The following DDX6 variants were observed in gnomAD, a reference collection of about 807,000 sequenced individuals.
The protein encoded by DDX6 is probable ATP-dependent RNA helicase DDX6.
Under a neutral mutation model 60.6 loss-of-function variants are expected in DDX6, and 7 were observed. The observed-to-expected ratio is 0.12, with a 90% CI of 0.07 to 0.22. DDX6 has a LOEUF of 0.22. Among genes scored for constraint, DDX6 ranks in the 10% least tolerant of loss-of-function variants. The pLI is 1.00. For synonymous variants in DDX6, 207 were observed against 201.0 expected, an observed-to-expected ratio of 1.03 and a Z score of -0.25; for missense variants, 270 against 589.9, an observed-to-expected ratio of 0.46 and a Z score of 5.62.
Position 118,760,032 on chromosome 11 carries a change from G to A in DDX6, c.754C>T (p.Leu252=). 1.2e-6 allele frequency: 2 copies of A among 1,611,600 alleles called. No homozygotes were observed. The highest frequency in any genetic ancestry group is 1.7e-6 in the Non-Finnish European group (2 of 1,179,266). Residue 252 remains leucine, a synonymous_variant, in exon 8 of 14, where the codon CTG becomes TTG. Transcript: ENST00000534980. ...MIVLDEADKL[L]SQDFVQIMED... is the part of the protein sequence containing the mutation. ...ATTATCTGCACAAAATCCTGTGACA[G>A]CAACTTATCTGCCTGCAGTAGAAAG... is the stretch of plus-strand genomic sequence containing the variant.
chr11:118,767,139 C>T (rs868909253), intron 5 of DDX6, among the ~76,000 whole-genome samples: 7 of 151,566 alleles, frequency 4.6e-5, no homozygotes, highest in Non-Finnish European at 8.8e-5. Flanking sequence ...TGCCTTGCCT[C>T]GGCCTCCCGA....
At chr11:118,760,626 G>A (rs1263208312) in intron 7 of DDX6, among the ~76,000 whole-genome samples, 1 of 149,674 alleles carries the variant, frequency 6.7e-6, no homozygotes, top group Non-Finnish European at 1.5e-5. Context: ...TTTGAGACCA[G>A]CCTGACCAAC....
At chr11:118,755,310 T>C (rs1555158471) in intron 12 of DDX6, 92 bp downstream of exon 12, 1 of 731,660 alleles carries the variant, frequency 1.4e-6, no homozygotes, top group Non-Finnish European at 2.4e-6. Context: ...TTCTCATAGC[T>C]ACTGTACTCT....
intron 4 of DDX6, among the ~76,000 whole-genome samples, chr11:118,777,897 G>GAAAAAAAAA (rs374046858): frequency 2.0e-5 from 2 of 99,648 alleles, no homozygotes; most frequent in Non-Finnish European, 3.8e-5. Flanking sequence ...TCAAAAAAGA[G>GAAAAAAAAA]AAAAAAAAAA....
At chr11:118,777,613 G>A (rs1180294957) in intron 4 of DDX6, among the ~76,000 whole-genome samples, 3 of 152,062 alleles carry the variant, frequency 2.0e-5, no homozygotes, top group East Asian at 3.9e-4. Flanking sequence ...AAAGGGGCCG[G>A]GTACGATGGC....
intron 1 of DDX6, among the ~76,000 whole-genome samples, chr11:118,790,526 A>C (rs1862236106): frequency 6.6e-6 from 1 of 152,002 alleles, no homozygotes; most frequent in East Asian, 1.9e-4. Context: ...CCAATACAGC[A>C]TGTCCCTGCC....
chr11:118,754,556 AAG>A, intron 13 of DDX6, 147 bp downstream of exon 13: 1 of 646,556 alleles, frequency 1.5e-6, no homozygotes, highest in Non-Finnish European at 2.5e-6. Flanking sequence ...AACCTCCCAC[AAG>A]AGATATTATT....
chr11:118,782,939 C>T (rs1555164972), intron 2 of DDX6, among the ~76,000 whole-genome samples: 1 of 152,164 alleles, frequency 6.6e-6, no homozygotes. Context: ...CTACTAAAGC[C>T]TTTCATCTAA....
At chr11:118,764,406 A>T (rs1555160907) in intron 6 of DDX6, among the ~76,000 whole-genome samples, 1 of 152,170 alleles carries the variant, frequency 6.6e-6, no homozygotes, top group Middle Eastern at 3.4e-3. Flanking sequence ...ATCTCCTTCT[A>T]AGTTGGCCAA....
chr11:118,754,435 C>CT (rs1491083486), intron 13 of DDX6, among the ~76,000 whole-genome samples: 2 of 152,154 alleles, frequency 1.3e-5, no homozygotes, highest in African/African-American at 4.8e-5. Context: ...GAAAAACATT[C>CT]TTTTTTGCTT....
Position 118,754,726 on chromosome 11 carries a change from C to T in DDX6, c.1438G>A (p.Asp480Asn). The change falls in exon 13 of 14, where the codon GAT becomes AAT. Residue 480 changes from aspartate to asparagine, a missense_variant. Asp to Asn is a conservative substitution (Grantham distance 23). Around this residue, in one of 8 missense-constraint regions of DDX6, gnomAD observed 34 missense variants for 59.4 expected, o/e 0.57. Coordinates refer to ENST00000534980, the MANE Select transcript of DDX6 (RefSeq NM_004397.6). The stretch of plus-strand genomic sequence containing the variant: ...GTACATGCTTGTTAAGGTTTCTCAT[C>T]TTCTACAGGCTCGCTGTGGTATTCT... Reference protein sequence around the residue: ...VAEYHSEPVEDEKP With the variant: ...VAEYHSEPVENEKP The T allele has an allele frequency of 6.2e-7, 1 of 1,608,126 alleles. No individual in the cohort carries two copies. The highest frequency in any genetic ancestry group is 8.5e-7 in the Non-Finnish European group (1 of 1,178,422).
At chr11:118,764,334 T>G (rs1861276257) in intron 6 of DDX6, among the ~76,000 whole-genome samples, 1 of 152,152 alleles carries the variant, frequency 6.6e-6, no homozygotes, top group African/African-American at 2.4e-5. Context: ...CAGGTCAACT[T>G]TACTCTTTAA....
chr11:118,759,184 C>G (rs147920140), intron 8 of DDX6: 1 of 292,054 alleles, frequency 3.4e-6, no homozygotes, highest in African/African-American at 2.2e-5. Context: ...CTCGGCCTCC[C>G]GAGTAGCTGG....
At chr11:118,781,070 T>G in intron 3 of DDX6, 51 bp downstream of exon 3, 2 of 1,275,052 alleles carry the variant, frequency 1.6e-6, no homozygotes, top group Non-Finnish European at 2.3e-6. Context: ...CAGCTATACC[T>G]CACTTCTAGT....
intron 2 of DDX6, among the ~76,000 whole-genome samples, chr11:118,783,263 T>C (rs1260948949): frequency 6.6e-6 from 1 of 152,144 alleles, no homozygotes; most frequent in African/African-American, 2.4e-5. Context: ...TCCACTGTTG[T>C]CCCCAAATCA....
intron 2 of DDX6, among the ~76,000 whole-genome samples, chr11:118,785,319 A>G (rs1862038147): frequency 6.6e-6 from 1 of 152,096 alleles, no homozygotes; most frequent in Non-Finnish European, 1.5e-5. Flanking sequence ...GTGTTCTGTG[A>G]GTTCAAAATT....
At chr11:118,787,476 AAAAC>A (rs1862113078) in intron 1 of DDX6, 2 of 88,894 alleles carry the variant, frequency 2.2e-5, no homozygotes, top group East Asian at 2.7e-4. Context: ...CTCAAAAACA[AAAAC>A]AAACAAGAAA....
chr11:118,777,973 T>G (rs1861760802), intron 4 of DDX6, among the ~76,000 whole-genome samples: 1 of 147,584 alleles, frequency 6.8e-6, no homozygotes, highest in African/African-American at 2.5e-5. Flanking sequence ...GGAACCAGGC[T>G]GAAAGAGCTT....
chr11:118,763,701 G>A (rs1214015087), intron 6 of DDX6, among the ~76,000 whole-genome samples: 4 of 152,062 alleles, frequency 2.6e-5, no homozygotes, highest in South Asian at 2.1e-4. Flanking sequence ...GGGTGTGGTG[G>A]TGGGAGCCTG....
Sources: gnomAD v4.1 joint callset for allele counts (sites outside exome capture counted in the v4.1 genomes callset) on GRCh38, gnomAD v4.1.1 for gene constraint, gnomAD v4.1.1 regional missense constraint, MANE v1.5 for transcripts, NCBI Gene and HGNC (gene_info 2026-07-23, HGNC 2026-07-21) for gene names.